Variants in DTD1 observed in about 807,000 individuals in gnomAD.
The protein encoded by DTD1 is D-tyrosyl-tRNA deacylase 1 homolog.
Under a neutral mutation model 25.6 loss-of-function variants are expected in DTD1, and 13 were observed. The ratio of observed to expected loss-of-function variants is 0.51; its 90% CI spans 0.33 to 0.81. The LOEUF is 0.81. Ranked by LOEUF, DTD1 falls within the 30% of genes least tolerant of loss-of-function variation. The pLI is 0.02. For synonymous variants in DTD1, 110 were observed against 103.6 expected (o/e 1.06, Z -0.37); for missense variants, 193 against 266.4 (o/e 0.72, Z 1.92).
intron 4 of DTD1, among the ~76,000 whole-genome samples, chr20:18,709,437 T>G (rs1010623660): frequency 2.6e-5 from 4 of 152,174 alleles, no homozygotes; most frequent in African/African-American, 9.7e-5. Flanking sequence ...TCTCCATACC[T>G]CCTTCCATTT....
At chr20:18,654,386 C>G (rs549863022) in intron 4 of DTD1, among the ~76,000 whole-genome samples, 3 of 152,188 alleles carry the variant, frequency 2.0e-5, no homozygotes, top group Admixed American at 6.5e-5. Context: ...ACTATGAGTC[C>G]ATTAAACCTC....
At chr20:18,670,184 C>T (rs1424745359) in intron 4 of DTD1, among the ~76,000 whole-genome samples, 1 of 152,092 alleles carries the variant, frequency 6.6e-6, no homozygotes, top group Non-Finnish European at 1.5e-5. Flanking sequence ...TGGCTGGGTG[C>T]GGTGGCTCAT....
At chr20:18,681,562 A>T (rs1255344458) in intron 4 of DTD1, among the ~76,000 whole-genome samples, 1 of 152,222 alleles carries the variant, frequency 6.6e-6, no homozygotes, top group Non-Finnish European at 1.5e-5. Flanking sequence ...AAGGACAGGA[A>T]TTAGAATGGG....
chr20:18,702,373 T>A (rs1169817443), intron 4 of DTD1, among the ~76,000 whole-genome samples: 1 of 152,236 alleles, frequency 6.6e-6, no homozygotes, highest in Non-Finnish European at 1.5e-5. Context: ...TTTATCCTTG[T>A]TTTAAATTTC....
At chr20:18,734,299 G>C (rs918675432) in intron 4 of DTD1, among the ~76,000 whole-genome samples, 1 of 152,188 alleles carries the variant, frequency 6.6e-6, no homozygotes, top group Non-Finnish European at 1.5e-5. Flanking sequence ...TCACAGACTC[G>C]TGGGATTTCA....
intron 4 of DTD1, chr20:18,698,500 G>A (rs1436858916): frequency 2.0e-5 from 3 of 152,260 alleles, no homozygotes; most frequent in African/African-American, 7.2e-5. Flanking sequence ...CCTGTGGACA[G>A]TGGGAAACCA....
intron 4 of DTD1, among the ~76,000 whole-genome samples, chr20:18,704,001 CTTT>C (rs201452682): frequency 3.0e-5 from 4 of 135,164 alleles, no homozygotes; most frequent in Non-Finnish European, 3.2e-5. Context: ...TAGTTGGTAG[CTTT>C]TTTTTTTTTT....
chr20:18,732,083 T>A (rs1427522803), intron 4 of DTD1, among the ~76,000 whole-genome samples: 1 of 152,236 alleles, frequency 6.6e-6, no homozygotes, highest in East Asian at 1.9e-4. Flanking sequence ...CATGTCTTCC[T>A]CTCTTGTTTT....
chr20:18,683,168 T>C (rs1226100372), intron 4 of DTD1, among the ~76,000 whole-genome samples: 1 of 152,170 alleles, frequency 6.6e-6, no homozygotes, highest in Non-Finnish European at 1.5e-5. Context: ...GAGTTGGTCA[T>C]AGGGCACTGC....
At chr20:18,651,542 G>T (rs144737471) in intron 4 of DTD1, among the ~76,000 whole-genome samples, 1 of 152,212 alleles carries the variant, frequency 6.6e-6, no homozygotes, top group Non-Finnish European at 1.5e-5. Context: ...GATAAAGAGA[G>T]GATTTGTCTT....
chr20:18,648,554 A>G (rs1394904941), intron 4 of DTD1, among the ~76,000 whole-genome samples: 3 of 152,142 alleles, frequency 2.0e-5, no homozygotes, highest in African/African-American at 7.2e-5. Flanking sequence ...TCCTTGTTCA[A>G]AAAGCAGTAG....
intron 5 of DTD1, among the ~76,000 whole-genome samples, chr20:18,750,898 T>C (rs2061318901): frequency 1.3e-5 from 2 of 152,208 alleles, no homozygotes; most frequent in Non-Finnish European, 2.9e-5. Flanking sequence ...AGGAGTGTGC[T>C]CCTGACTGGC....
intron 4 of DTD1, among the ~76,000 whole-genome samples, chr20:18,637,344 A>G (rs555499813): frequency 6.6e-6 from 1 of 152,294 alleles, no homozygotes; most frequent in African/African-American, 2.4e-5. Context: ...CAACGCAATT[A>G]CAGATGTGTC....
intron 4 of DTD1, among the ~76,000 whole-genome samples, chr20:18,672,225 C>A (rs2060953503): frequency 6.6e-6 from 1 of 151,998 alleles, no homozygotes; most frequent in African/African-American, 2.4e-5. Context: ...CAAAGTGAGA[C>A]CCTGTCACAA....
At chr20:18,687,274 A>G (rs1333107353) in intron 4 of DTD1, among the ~76,000 whole-genome samples, 3 of 152,200 alleles carry the variant, frequency 2.0e-5, no homozygotes, top group South Asian at 2.1e-4. Context: ...TTGAGGAACT[A>G]TGACAGCACA....
At chr20:18,708,295 ATAAT>A (rs1275049288) in intron 4 of DTD1, among the ~76,000 whole-genome samples, 27 of 59,196 alleles carry the variant, frequency 4.6e-4, no homozygotes, top group African/African-American at 1.1e-3. Context: ...TTATATATAT[ATAAT>A]ATATATATTT....
chr20:18,622,760 C>A (rs560566324), intron 3 of DTD1, among the ~76,000 whole-genome samples: 1 of 152,166 alleles, frequency 6.6e-6, no homozygotes, highest in East Asian at 1.9e-4. Flanking sequence ...TGGTCTGGAC[C>A]AATTTAAATC....
chr20:18,718,542 T>A (rs779618546), intron 4 of DTD1, among the ~76,000 whole-genome samples: 17 of 152,258 alleles, frequency 1.1e-4, no homozygotes, highest in Non-Finnish European at 2.4e-4. Flanking sequence ...GTAATACATC[T>A]ATATTATTGC....
intron 4 of DTD1, chr20:18,631,081 C>G (rs758196371): frequency 2.2e-5 from 22 of 985,294 alleles, no homozygotes; most frequent in Non-Finnish European, 2.5e-5. Context: ...GGCTCATTCA[C>G]AGCAGACAGC....
Sources: gnomAD v4.1 joint callset for allele counts (sites outside exome capture counted in the v4.1 genomes callset) on GRCh38, gnomAD v4.1.1 for gene constraint, MANE v1.5 for transcripts, NCBI Gene and HGNC (gene_info 2026-07-23, HGNC 2026-07-21) for gene names.